MPP2: variants seen among roughly 807,000 people sequenced by gnomAD.
MPP2 encodes MAGUK p55 subfamily member 2.
Under a neutral mutation model 58.5 loss-of-function variants are expected in MPP2, and 42 were observed. The observed-to-expected ratio is 0.72, with a 90% CI of 0.56 to 0.93. MPP2 has a LOEUF of 0.93. MPP2 is among the 40% of genes least tolerant of loss of function. The probability of loss-of-function intolerance (pLI) is 0.00; values close to 1 mark genes in which losing one functional copy is unlikely to be tolerated. For synonymous variants in MPP2, 300 were observed against 307.8 expected (o/e 0.97, Z 0.26); for missense variants, 632 against 760.4 (o/e 0.83, Z 1.99).
intron 3 of MPP2, among the ~76,000 whole-genome samples, chr17:43,893,505 A>G (rs897543798): frequency 7.2e-5 from 11 of 152,214 alleles, no homozygotes; most frequent in African/African-American, 2.7e-4. Flanking sequence ...ATATTAGAAC[A>G]GGGGTCCCCA....
At position 43,879,880 on chromosome 17, in the gene MPP2, G is replaced by T; in HGVS notation, c.1255C>A (p.His419Asn). ...TACAGGTTGCCCTCGTATTCGCCATGCTCCAGGTAGCGCCCAGCACGGACG... is the reference window on the plus strand; with the variant it reads ...TACAGGTTGCCCTCGTATTCGCCATTCTCCAGGTAGCGCCCAGCACGGACG... ...ADVRAGRYLEHGEYEGNLYGT... is the reference protein window; with the variant it reads ...ADVRAGRYLENGEYEGNLYGT... Residue 419 changes from histidine (H) to asparagine (N), a missense_variant, in exon 11 of 13, where the codon CAT becomes AAT. By Grantham distance (68) the His-to-Asn change is moderately conservative. Coordinates refer to ENST00000269095, the MANE Select transcript of MPP2 (RefSeq NM_005374.5). This position sits in a 1 kb window ranked among gnomAD's most constrained non-coding sequence, Gnocchi z 4.1. 6.2e-7 allele frequency: 1 copy of T among 1,614,038 alleles called. No homozygotes were observed. Among genetic ancestry groups the T allele is most frequent in the East Asian group, 2.2e-5 (1 of 44,872 alleles).
chr17:43,906,728 G>T (rs2048304091), intron 1 of MPP2, among the ~76,000 whole-genome samples: 1 of 152,088 alleles, frequency 6.6e-6, no homozygotes, highest in Admixed American at 6.5e-5. Context: ...CACCCTGGGC[G>T]CTAGGACCTG....
At chr17:43,908,294 G>C (rs1040699688), upstream of MPP2, among the ~76,000 whole-genome samples, 42 of 152,158 alleles carry the variant, frequency 2.8e-4, no homozygotes, top group Admixed American at 2.2e-3. Context: ...CTCCAAATAC[G>C]GGAGGCTCTG....
In MPP2 at chr17:43,879,090, T is replaced by C. The variant is rs12944850; in HGVS notation, c.1482+185A>G. The stretch of plus-strand genomic sequence containing the variant: ...GTGTGCCTGGCTCACTCTGAGACTT[T>C]GGACTTCCTCTCTCAGACCTCCCCT... On this transcript the variant is annotated intron_variant, in intron 12 of 12. Transcript: ENST00000269095. The surrounding 1 kb of genome is among the most constrained non-coding windows in gnomAD (Gnocchi z 4.1). Among the ~76,000 whole-genome samples, 2 of 152,170 alleles carry C rather than the reference T, an allele frequency of 1.3e-5. No individual in the cohort carries two copies. The highest frequency in any genetic ancestry group is 4.8e-5 in the African/African-American group (2 of 41,452).
chr17:43,901,123 G>A (rs927958959), intron 2 of MPP2, among the ~76,000 whole-genome samples: 6 of 152,088 alleles, frequency 3.9e-5, no homozygotes, highest in African/African-American at 7.2e-5. Context: ...CCCCAAGAAC[G>A]ACTCAGCCCT....
intron 1 of MPP2, chr17:43,905,312 C>T (rs1019294874): frequency 6.6e-6 from 1 of 152,246 alleles, no homozygotes; most frequent in Admixed American, 6.5e-5. Context: ...GAACCTAGGC[C>T]TACCAAAGCG....
chr17:43,881,645 G>A (rs1221154482), intron 6 of MPP2, 56 bp from the exon 7 acceptor site: 8 of 1,589,158 alleles, frequency 5.0e-6, no homozygotes, highest in South Asian at 1.2e-5. Context: ...GGCTGCAGGT[G>A]GAGGTCTACC....
rs567106467 is a variant in MPP2 at position 43,876,186 on chromosome 17, C to T, written c.*1621G>A. The T allele has an allele frequency of 6.6e-6, 1 of 152,550 alleles. No homozygotes were observed. Among genetic ancestry groups the T allele is most frequent in the African/African-American group, 2.4e-5 (1 of 41,422 alleles). The allele number at this position is 152,550 out of a possible 1,614,324, so 9.4% of individuals were successfully genotyped here. ...ATTTGTAATAAATATTCTGTTTATT[C>T]TCCTTCCCCTTCCCTAGGAAATGGG... is the stretch of plus-strand genomic sequence containing the variant. On this transcript the variant is annotated 3_prime_UTR_variant, in exon 13 of 13. Coordinates refer to ENST00000269095, the MANE Select transcript of MPP2 (RefSeq NM_005374.5).
intron 3 of MPP2, among the ~76,000 whole-genome samples, chr17:43,884,994 C>T (rs996149175): frequency 5.3e-5 from 8 of 151,836 alleles, no homozygotes; most frequent in South Asian, 2.1e-4. Context: ...TAGTGGTGGG[C>T]GCCTGTAATC....
In MPP2 at chr17:43,888,507, C is replaced by CT. The variant is rs1597782415; in HGVS notation, c.151-5153dup. ...AATGTTGGAATCAAAGCCCAAATAA[C>CT]TGAGTGTCAAGAATAAACAATGGCA... On this transcript the variant is annotated intron_variant, in intron 3 of 12. Transcript: ENST00000269095. 4.6e-5 allele frequency among the ~76,000 whole-genome samples: 7 copies of CT among 152,320 alleles called. No individual in the cohort carries two copies. In the East Asian group the frequency reaches 1.3e-3, roughly 29 times the overall value.
At chr17:43,896,926 T>C (rs1455265177) in intron 3 of MPP2, among the ~76,000 whole-genome samples, 2 of 151,544 alleles carry the variant, frequency 1.3e-5, no homozygotes, top group Non-Finnish European at 2.9e-5. Flanking sequence ...CCTCCCCCCC[T>C]CAGGAGAGGG....
chr17:43,881,421 C>G, intron 7 of MPP2, 37 bp downstream of exon 7: 1 of 1,613,990 alleles, frequency 6.2e-7, no homozygotes. Context: ...CTCCCATGCA[C>G]CATACCTGGA....
At chr17:43,904,550 A>T in intron 1 of MPP2, 57 bp from the exon 2 acceptor site, 1 of 1,491,842 alleles carries the variant, frequency 6.7e-7, no homozygotes, top group Non-Finnish European at 9.3e-7. Context: ...TGGGGAAGGG[A>T]ATAGGAAGAG....
In MPP2 at chr17:43,876,376, ATGCCC is replaced by A. The variant is rs1481929374; in HGVS notation, c.*1426_*1430del. On this transcript the variant is annotated 3_prime_UTR_variant, in exon 13 of 13. Transcript: ENST00000269095. Reference sequence around the variant, plus strand: ...AATGCAGAGAATAATGAAGGATGAGATGCCCAAGTACATCTAGGACAGCATTCTTT... The same window carrying A: ...AATGCAGAGAATAATGAAGGATGAGAAAGTACATCTAGGACAGCATTCTTT... The A allele has an allele frequency of 6.6e-6, 1 of 152,448 alleles. No individual in the cohort carries two copies. The highest frequency in any genetic ancestry group is 2.4e-5 in the African/African-American group (1 of 41,424). The allele number at this position is 152,448 out of a possible 1,614,324, so 9.4% of individuals were successfully genotyped here.
chr17:43,885,265 C>T (rs1314374701), intron 3 of MPP2, among the ~76,000 whole-genome samples: 1 of 152,012 alleles, frequency 6.6e-6, no homozygotes, highest in Non-Finnish European at 1.5e-5. Context: ...TCTTCGTTGA[C>T]CCAGTTTATC....
intron 6 of MPP2, 27 bp from the exon 7 acceptor site, chr17:43,881,616 G>A (rs770231158): frequency 7.5e-6 from 12 of 1,608,948 alleles, no homozygotes; most frequent in African/African-American, 2.7e-5. Context: ...GCAAAGGGTC[G>A]GGGGAAGGGT....
chr17:43,900,378 C>T, intron 2 of MPP2: 1 of 1,462,570 alleles, frequency 6.8e-7, no homozygotes, highest in Non-Finnish European at 9.2e-7. Flanking sequence ...ATGACCTCTC[C>T]CAGGCCACCC....
At chr17:43,901,917 A>G (rs922090904) in intron 2 of MPP2, among the ~76,000 whole-genome samples, 3 of 152,198 alleles carry the variant, frequency 2.0e-5, no homozygotes, top group African/African-American at 7.2e-5. Context: ...GAAGGGCGGA[A>G]AAAGGATCTT....
chr17:43,909,509 A>G (rs755385823), upstream of MPP2: 12 of 1,271,326 alleles, frequency 9.4e-6, no homozygotes, highest in Non-Finnish European at 1.2e-5. Flanking sequence ...TCTCTACAAG[A>G]TATTAATTAC....
Sources: gnomAD v4.1 joint callset for allele counts (sites outside exome capture counted in the v4.1 genomes callset) on GRCh38, gnomAD v4.1.1 for gene constraint, Gnocchi (gnomAD v3.1) non-coding constraint, MANE v1.5 for transcripts, NCBI Gene and HGNC (gene_info 2026-07-23, HGNC 2026-07-21) for gene names.